The following NRXN3 variants were observed in gnomAD, a reference collection of about 807,000 sequenced individuals.
NRXN3 encodes neurexin III.
A neutral mutation model predicts 137.6 loss-of-function variants in NRXN3; 32 were observed. The observed-to-expected ratio is 0.23, with a 90% CI of 0.18 to 0.31. NRXN3 has a LOEUF of 0.31. Ranked by LOEUF, NRXN3 falls within the 10% of genes least tolerant of loss-of-function variation. The pLI, the probability that NRXN3 is intolerant of heterozygous loss-of-function variation, is 1.00. For synonymous variants in NRXN3, 798 were observed against 784.5 expected (o/e 1.02, Z -0.29); for missense variants, 1,574 against 2,062.5 (o/e 0.76, Z 4.59).
At chr14:78,551,625 C>G (rs767906957) in intron 4 of NRXN3, among the ~76,000 whole-genome samples, 4 of 150,588 alleles carry the variant, frequency 2.7e-5, no homozygotes, top group African/African-American at 9.8e-5. Context: ...CATTTCTACT[C>G]TTTCCCCCTT....
intron 4 of NRXN3, among the ~76,000 whole-genome samples, chr14:78,597,179 T>G (rs1335091127): frequency 6.6e-6 from 1 of 152,194 alleles, no homozygotes; most frequent in Admixed American, 6.5e-5. Flanking sequence ...TCTGAGAAGC[T>G]GGAATAAATG....
At chr14:79,748,795 A>G (rs1473014781) in intron 19 of NRXN3, among the ~76,000 whole-genome samples, 1 of 152,032 alleles carries the variant, frequency 6.6e-6, no homozygotes, top group Non-Finnish European at 1.5e-5. Flanking sequence ...TGTCAAATGT[A>G]CAAATACATA....
At chr14:79,461,750 A>G (rs1160122582) in intron 15 of NRXN3, among the ~76,000 whole-genome samples, 1 of 152,216 alleles carries the variant, frequency 6.6e-6, no homozygotes. Context: ...TATGTCATTG[A>G]TAGTCCTTTT....
chr14:79,606,168 G>A (rs2098012602), intron 16 of NRXN3, among the ~76,000 whole-genome samples: 1 of 152,206 alleles, frequency 6.6e-6, no homozygotes, highest in Admixed American at 6.5e-5. Flanking sequence ...GATGAAATGT[G>A]CAGCCGGTCC....
At chr14:79,563,611 C>A (rs766128531) in intron 16 of NRXN3, among the ~76,000 whole-genome samples, 1 of 149,714 alleles carries the variant, frequency 6.7e-6, no homozygotes, top group Non-Finnish European at 1.5e-5. Flanking sequence ...AAAATTTGGT[C>A]TCGTTAAATA....
At chr14:78,511,876 G>A (rs2096115086) in intron 4 of NRXN3, among the ~76,000 whole-genome samples, 1 of 151,952 alleles carries the variant, frequency 6.6e-6, no homozygotes, top group Non-Finnish European at 1.5e-5. Context: ...CTTCCACATG[G>A]GACCCACTTC....
chr14:78,271,917 A>T (rs992800977), intron 2 of NRXN3, among the ~76,000 whole-genome samples: 2 of 152,204 alleles, frequency 1.3e-5, no homozygotes, highest in Admixed American at 1.3e-4. Flanking sequence ...AGAGCCAGAA[A>T]GAGCCCTAGA....
intron 4 of NRXN3, among the ~76,000 whole-genome samples, chr14:78,314,942 T>TCTTTCTTTCTTCCTTCCTTC (rs1491333798): frequency 4.9e-5 from 3 of 60,650 alleles, no homozygotes; most frequent in East Asian, 1.4e-3. Flanking sequence ...TTTCTTTCTT[T>TCTTTCTTTCTTCCTTCCTTC]CTTCCTTCCT....
chr14:78,273,972 A>G (rs559453795), intron 2 of NRXN3, among the ~76,000 whole-genome samples: 1 of 152,334 alleles, frequency 6.6e-6, no homozygotes, highest in East Asian at 1.9e-4. Flanking sequence ...GGACTCGCCT[A>G]CAGGAGGCTG....
At chr14:79,778,119 T>G (rs1386973284) in intron 19 of NRXN3, among the ~76,000 whole-genome samples, 1 of 152,198 alleles carries the variant, frequency 6.6e-6, no homozygotes, top group Non-Finnish European at 1.5e-5. Context: ...TGAATTGATA[T>G]AAGACTGGTA....
At chr14:78,789,597 T>G (rs539392636) in intron 8 of NRXN3, among the ~76,000 whole-genome samples, 15 of 152,286 alleles carry the variant, frequency 9.8e-5, no homozygotes, top group Admixed American at 2.6e-4. Context: ...GGTATTAGAT[T>G]GGTGCAAAAG....
At chr14:78,610,452 G>A (rs930232567) in intron 4 of NRXN3, among the ~76,000 whole-genome samples, 6 of 152,194 alleles carry the variant, frequency 3.9e-5, no homozygotes, top group Non-Finnish European at 8.8e-5. Context: ...AGGTCCTCAA[G>A]GCTCATCACT....
intron 4 of NRXN3, among the ~76,000 whole-genome samples, chr14:78,342,851 T>C (rs1597530300): frequency 6.6e-6 from 1 of 152,216 alleles, no homozygotes; most frequent in Non-Finnish European, 1.5e-5. Context: ...TGTTTGCTCA[T>C]ATGCTTAAAA....
chr14:79,480,903 G>T (rs2096601616), intron 16 of NRXN3, among the ~76,000 whole-genome samples: 1 of 152,068 alleles, frequency 6.6e-6, no homozygotes, highest in Non-Finnish European at 1.5e-5. Flanking sequence ...GGCCTCCCCA[G>T]CCATGCTTCC....
intron 10 of NRXN3, among the ~76,000 whole-genome samples, chr14:78,954,776 T>TGG (rs1567810023): frequency 2.1e-4 from 32 of 150,856 alleles, no homozygotes; most frequent in Non-Finnish European, 7.4e-5. Flanking sequence ...GGTTTTTTTT[T>TGG]TTTTTTTTTT....
At chr14:78,523,201 CCAA>C (rs2096311204) in intron 4 of NRXN3, among the ~76,000 whole-genome samples, 1 of 152,082 alleles carries the variant, frequency 6.6e-6, no homozygotes, top group South Asian at 2.1e-4. Flanking sequence ...AGTTGGTTGG[CCAA>C]CAAATACCAT....
rs1007062902 is a variant in NRXN3 at position 79,865,782 on chromosome 14, C to A, written c.*3818C>A. ...CTGCGACTACAGGCATGGGCCACCACACCCAGCTCATTTTTTAATTTATTT... is the reference window on the plus strand; with the variant it reads ...CTGCGACTACAGGCATGGGCCACCAAACCCAGCTCATTTTTTAATTTATTT... On this transcript the variant is annotated 3_prime_UTR_variant, in exon 21 of 21. Coordinates refer to ENST00000335750, the MANE Select transcript of NRXN3 (RefSeq NM_001330195.2). 1 of 152,102 alleles carries A rather than the reference C, an allele frequency of 6.6e-6. No homozygotes were observed. Among genetic ancestry groups the A allele is most frequent in the Non-Finnish European group, 1.5e-5 (1 of 68,016 alleles). 9.4% of individuals were successfully genotyped at this position (152,102 alleles called of 1,614,324 possible). A position where few individuals can be genotyped will look rare whatever the true frequency, so the allele number is the denominator to read the frequency against.
intron 1 of NRXN3, among the ~76,000 whole-genome samples, chr14:78,212,509 C>T (rs757620987): frequency 6.6e-6 from 1 of 152,196 alleles, no homozygotes; most frequent in Non-Finnish European, 1.5e-5. Flanking sequence ...TACTTTTGGT[C>T]TCCCCATTTC....
intron 4 of NRXN3, among the ~76,000 whole-genome samples, chr14:78,400,397 T>C (rs1278776053): frequency 1.3e-5 from 2 of 152,244 alleles, no homozygotes; most frequent in African/African-American, 4.8e-5. Context: ...AAACCAACCA[T>C]AGGCAACTAT....
Sources: allele counts gnomAD v4.1 joint callset (sites outside exome capture counted in the v4.1 genomes callset), GRCh38; gene constraint gnomAD v4.1.1; transcripts MANE v1.5; gene names NCBI Gene and HGNC (gene_info 2026-07-23, HGNC 2026-07-21).